BAIAP3: variants seen among roughly 807,000 people sequenced by gnomAD.
The protein encoded by BAIAP3 is BAI1 associated protein 3, also known as BAI1-associated protein 3.
BAIAP3 carries 180 observed loss-of-function variants against 149.7 expected under a neutral mutation model. That is an observed-to-expected ratio of 1.20 (90% CI 1.07 to 1.36). BAIAP3 has a LOEUF of 1.36. Among genes scored for constraint, BAIAP3 ranks in the 40% most tolerant of loss-of-function variants. BAIAP3 has a pLI of 0.00. For missense variants in BAIAP3, 1,767 were observed against 1,563.4 expected (o/e 1.13, Z -2.20); for synonymous variants, 845 against 670.7 (o/e 1.26, Z -4.02).
chr16:1,342,888 A>T (rs2141592644), intron 13 of BAIAP3, 25 bp from the exon 14 acceptor site: 1 of 1,611,962 alleles, frequency 6.2e-7, no homozygotes, highest in East Asian at 2.2e-5. Flanking sequence ...TCCCGCCTCC[A>T]CCCACGACAG....
In BAIAP3 at chr16:1,345,762, G is replaced by C. The variant is rs1038469988; in HGVS notation, c.2080G>C (p.Ala694Pro). The C allele has an allele frequency of 6.5e-7, 1 of 1,536,784 alleles. No individual in the cohort carries two copies. Among genetic ancestry groups the C allele is most frequent in the Admixed American group, 1.9e-5 (1 of 51,444 alleles). ...VDMDTLEPVD[A>P]SSRHSSSAAT... ...GCCTCCCTAGCTGGAGCCCGTGGAC[G>C]CCTCCTCCAGGCACAGCAGCTCCGC... The change falls in exon 23 of 34, where the codon GCC (alanine) becomes CCC (proline). Residue 694 changes from alanine to proline, a missense_variant. Transcript: ENST00000426824.
intron 1 of BAIAP3, 122 bp from the exon 2 acceptor site, chr16:1,338,418 G>C: frequency 1.1e-6 from 1 of 921,248 alleles, no homozygotes; most frequent in Non-Finnish European, 1.5e-6. Context: ...TCCAGGCTGT[G>C]GGTGAGCTCC....
chr16:1,337,079 G>C (rs922318521), intron 1 of BAIAP3, among the ~76,000 whole-genome samples: 1 of 152,186 alleles, frequency 6.6e-6, no homozygotes, highest in South Asian at 2.1e-4. Flanking sequence ...GGGGCTGCTG[G>C]GGGGCAGAGG....
At chr16:1,340,604 A>T (rs2033862033) in intron 5 of BAIAP3, among the ~76,000 whole-genome samples, 2 of 152,236 alleles carry the variant, frequency 1.3e-5, no homozygotes, top group South Asian at 4.1e-4. Flanking sequence ...ACACACACAT[A>T]CATGCACATA....
Position 1,342,644 on chromosome 16 carries a change from G to A in BAIAP3, c.1065+10G>A, listed in dbSNP as rs754432891. 39 of 1,596,716 alleles carry A rather than the reference G, an allele frequency of 2.4e-5. No individual in the cohort carries two copies. In the South Asian group the frequency reaches 2.8e-4, roughly 11 times the overall value. ...GCTGATCACTACGCAGGTGGGGAAA[G>A]TGGGCGTCCCCGTCCTCCACCCCCG... On this transcript the variant is annotated intron_variant, in intron 12 of 33. Coordinates refer to ENST00000426824, the MANE Select transcript of BAIAP3 (RefSeq NM_001199097.2).
chr16:1,345,075 G>T lies in BAIAP3; in HGVS notation c.1916G>T (p.Arg639Leu), dbSNP rs780577265. 1 of 1,612,422 alleles carries T rather than the reference G, an allele frequency of 6.2e-7. No homozygotes were observed. The highest frequency in any genetic ancestry group is 1.7e-5 in the Admixed American group (1 of 60,000). ...ELYLTLADLQRFWDSIPGRDS... is the reference protein window; with the variant it reads ...ELYLTLADLQLFWDSIPGRDS... ...TACCTGACCCTGGCTGACCTCCAGC[G>T]CTTCTGGGATAGCATCCCTGGCCGG... The change falls in exon 21 of 34, where the codon CGC becomes CTC. Residue 639 changes from arginine (R) to leucine (L), a missense_variant. Arg to Leu is a moderately radical substitution (Grantham distance 102). Coordinates refer to ENST00000426824, the MANE Select transcript of BAIAP3 (RefSeq NM_001199097.2).
rs572512565 is a variant in BAIAP3 at position 1,340,107 on chromosome 16, G to A, written c.408+504G>A. Among the ~76,000 whole-genome samples, 50 of 142,416 alleles carry A rather than the reference G, an allele frequency of 3.5e-4. 2 individuals carry two copies. The highest frequency in any genetic ancestry group is 1.2e-3 in the African/African-American group (45 of 37,676). The allele number at this position is 142,416 out of a possible 152,430, so 93.4% of individuals were successfully genotyped here. A position where few individuals can be genotyped will look rare whatever the true frequency, so the allele number is the denominator to read the frequency against. ...AGGTGCACACAGACACAGGCACACA[G>A]GCTGCAGGTGCACACAGATGCACAG... On this transcript the variant is annotated intron_variant, in intron 5 of 33. Coordinates refer to ENST00000426824, the MANE Select transcript of BAIAP3 (RefSeq NM_001199097.2).
rs774981166 is a variant in BAIAP3 at position 1,341,998 on chromosome 16, C to T, written c.789C>T (p.Asp263=). Residue 263 remains aspartate (D), a synonymous_variant, in exon 10 of 34, where the codon GAC becomes GAT. Transcript: ENST00000426824. ...CTGTCCCCACCAGGGATCATGACGACGATGTATCCCTGGTAGAAGCGTGCA... is the reference window on the plus strand; with the variant it reads ...CTGTCCCCACCAGGGATCATGACGATGATGTATCCCTGGTAGAAGCGTGCA... ...QLHLDIWDHD[D]DVSLVEACRK... 9.4e-6 allele frequency: 15 copies of T among 1,600,432 alleles called. No homozygotes were observed. Among genetic ancestry groups the T allele is most frequent in the African/African-American group, 4.0e-5 (3 of 74,570 alleles).
Position 1,339,183 on chromosome 16 carries a change from C to T in BAIAP3, c.239C>T (p.Ser80Leu), listed in dbSNP as rs547231702. Reference sequence around the variant, plus strand: ...ACACAGGTCCCCCTGCGCAGTGGCTCGCCAGCACCCCCGGAGCCTGTGGAT... The same window carrying T: ...ACACAGGTCCCCCTGCGCAGTGGCTTGCCAGCACCCCCGGAGCCTGTGGAT... ...PCLEVPLRSG[S>L]PAPPEPVDPS... is the part of the protein sequence containing the mutation. The change falls in exon 4 of 34, where the codon TCG becomes TTG. Residue 80 changes from serine (S) to leucine (L), a missense_variant. Physicochemically the swap from Ser to Leu is moderately radical, Grantham distance 145. Transcript: ENST00000426824. 1.4e-5 allele frequency: 22 copies of T among 1,566,898 alleles called. No homozygotes were observed. The African/African-American group carries it at 2.2e-4, about 15-fold the overall frequency.
At chr16:1,343,787 C>A (rs997582728) in intron 15 of BAIAP3, among the ~76,000 whole-genome samples, 1 of 152,202 alleles carries the variant, frequency 6.6e-6, no homozygotes, top group Non-Finnish European at 1.5e-5. Context: ...GCGGCCCTGG[C>A]AGGACGGACG....
intron 8 of BAIAP3, 61 bp downstream of exon 8, chr16:1,341,550 T>C (rs1274494237): frequency 1.9e-6 from 3 of 1,552,006 alleles, no homozygotes; most frequent in Non-Finnish European, 2.6e-6. Flanking sequence ...AGAGCTGGGC[T>C]GTGCCTGGAG....
rs2034378697 is a variant in BAIAP3, at chr16:1,346,523, GC to G, written c.2562+14del. 1 of 1,605,240 alleles carries G rather than the reference GC, an allele frequency of 6.2e-7. No homozygotes were observed. The highest frequency in any genetic ancestry group is 1.3e-5 in the African/African-American group (1 of 74,946). On this transcript the variant is annotated intron_variant, in intron 26 of 33. Coordinates refer to ENST00000426824, the MANE Select transcript of BAIAP3 (RefSeq NM_001199097.2). ...CCAGAACGATGAGGTGAGTGCCGGG[GC>G]GAGGGGCCGTGGAGGACTGTGTGTA...
chr16:1,349,266 G>A lies in BAIAP3; in HGVS notation c.*784G>A, dbSNP rs1351379318. On this transcript the variant is annotated 3_prime_UTR_variant, in exon 34 of 34. Coordinates refer to ENST00000426824, the MANE Select transcript of BAIAP3 (RefSeq NM_001199097.2). Reference sequence around the variant, plus strand: ...TCTTGGCCTGCAGCTTCATTTGCGAGAGCGCCGAGGCAGGACACAGAGCAC... The same window carrying A: ...TCTTGGCCTGCAGCTTCATTTGCGAAAGCGCCGAGGCAGGACACAGAGCAC... 7 of 743,542 alleles carry A rather than the reference G, an allele frequency of 9.4e-6. No homozygotes were observed. The East Asian group carries it at 1.7e-4, about 18-fold the overall frequency. 46.1% of individuals were successfully genotyped at this position (743,542 alleles called of 1,614,324 possible).
At chr16:1,343,879 C>G in intron 15 of BAIAP3, 143 bp from the exon 16 acceptor site, 1 of 1,315,948 alleles carries the variant, frequency 7.6e-7, no homozygotes, top group Non-Finnish European at 1.0e-6. Context: ...GACAGGCCGA[C>G]TGGGCCTGTG....
chr16:1,347,403 G>A (rs750279122), intron 29 of BAIAP3, 34 bp downstream of exon 29: 9 of 1,609,402 alleles, frequency 5.6e-6, no homozygotes, highest in Middle Eastern at 1.8e-4. Context: ...CGGGGGTGTG[G>A]ATGAGGGGAC....
chr16:1,336,420 T>C (rs574891946), intron 1 of BAIAP3: 5 of 982,920 alleles, frequency 5.1e-6, no homozygotes, highest in Admixed American at 1.2e-4. Flanking sequence ...CCCGCAAGCA[T>C]TGCCTCTCAC....
In BAIAP3 at chr16:1,341,385, C is replaced by T; in HGVS notation, c.627C>T (p.Phe209=). ...CACAGAAGGAGCAGCGCTTCGGCTT[C>T]CGCAAGGGCAGCAAGCGCGGTGGAC... is the stretch of plus-strand genomic sequence containing the variant. ...PRAQKEQRFG[F]RKGSKRGGPL... Residue 209 remains phenylalanine, a synonymous_variant, in exon 8 of 34, where the codon TTC becomes TTT. Transcript: ENST00000426824. 6.2e-7 allele frequency: 1 copy of T among 1,612,644 alleles called. No homozygotes were observed. The highest frequency in any genetic ancestry group is 8.5e-7 in the Non-Finnish European group (1 of 1,179,912).
Position 1,343,439 on chromosome 16 carries a change from T to G in BAIAP3, c.1312T>G (p.Tyr438Asp), listed in dbSNP as rs374677667. The change falls in exon 15 of 34, where the codon TAC becomes GAC. Residue 438 changes from tyrosine to aspartate, a missense_variant. Physicochemically the swap from Tyr to Asp is radical, Grantham distance 160. Coordinates refer to ENST00000426824, the MANE Select transcript of BAIAP3 (RefSeq NM_001199097.2). ...CCACCATCAAACCTGCACGCTGGACTACAGCTACCTGCTGGGGCTGCTGGA... is the reference window on the plus strand; with the variant it reads ...CCACCATCAAACCTGCACGCTGGACGACAGCTACCTGCTGGGGCTGCTGGA... ...SRHHQTCTLD[Y>D]SYLLGLLEDM... The G allele has an allele frequency of 2.4e-4, 373 of 1,585,226 alleles. No homozygotes were observed. The highest frequency in any genetic ancestry group is 2.9e-4 in the Non-Finnish European group (337 of 1,167,590).
chr16:1,339,214 C>T lies in BAIAP3; in HGVS notation c.270C>T (p.Ser90=), dbSNP rs746237002. Residue 90 remains serine, a synonymous_variant, in exon 4 of 34, where the codon AGC becomes AGT. Transcript: ENST00000426824. Reference sequence around the variant, plus strand: ...CACCCCCGGAGCCTGTGGATCCCAGCCTCGGCCTGAGAGCCCTGGCCCCAG... The same window carrying T: ...CACCCCCGGAGCCTGTGGATCCCAGTCTCGGCCTGAGAGCCCTGGCCCCAG... ...SPAPPEPVDP[S]LGLRALAPEE... is the part of the protein sequence containing the mutation. The T allele has an allele frequency of 1.3e-6, 2 of 1,565,406 alleles. No individual in the cohort carries two copies. The highest frequency in any genetic ancestry group is 2.7e-5 in the African/African-American group (2 of 74,008).
Sources: allele counts gnomAD v4.1 joint callset (sites outside exome capture counted in the v4.1 genomes callset), GRCh38; gene constraint gnomAD v4.1.1; transcripts MANE v1.5; gene names NCBI Gene and HGNC (gene_info 2026-07-23, HGNC 2026-07-21).